PDE11A: variants seen among roughly 807,000 people sequenced by gnomAD.
PDE11A encodes phosphodiesterase 11A.
PDE11A carries 100 observed loss-of-function variants against 100.5 expected under a neutral mutation model. The ratio of observed to expected loss-of-function variants is 1.00; its 90% CI spans 0.85 to 1.18. PDE11A has a LOEUF of 1.18. Ranked by LOEUF, PDE11A falls within the 50% of genes most tolerant of loss-of-function variation. The pLI, the probability that PDE11A is intolerant of heterozygous loss-of-function variation, is 0.00. For missense variants in PDE11A, 1,141 were observed against 1,152.6 expected (o/e 0.99, Z 0.15); for synonymous variants, 381 against 420.8 (o/e 0.91, Z 1.16).
At chr2:178,024,751 C>T (rs970417360) in intron 1 of PDE11A, among the ~76,000 whole-genome samples, 1 of 152,132 alleles carries the variant, frequency 6.6e-6, no homozygotes, top group African/African-American at 2.4e-5. Flanking sequence ...TTCTGAAGCT[C>T]AAAAAATTGC....
chr2:177,686,428 G>A (rs1411771402), intron 15 of PDE11A, among the ~76,000 whole-genome samples: 1 of 152,100 alleles, frequency 6.6e-6, no homozygotes, highest in Non-Finnish European at 1.5e-5. Context: ...TTAGCTACAT[G>A]TGGAGGCACA....
At chr2:178,020,831 T>C (rs949299735) in intron 1 of PDE11A, among the ~76,000 whole-genome samples, 1 of 152,028 alleles carries the variant, frequency 6.6e-6, no homozygotes, top group South Asian at 2.1e-4. Context: ...ATTGTATTAA[T>C]ACATGTGGTA....
At chr2:178,060,575 T>C (rs1213438058) in intron 1 of PDE11A, among the ~76,000 whole-genome samples, 2 of 152,064 alleles carry the variant, frequency 1.3e-5, no homozygotes, top group Non-Finnish European at 2.9e-5. Context: ...ACTAGAGAGG[T>C]AAAATATGGC....
intron 2 of PDE11A, among the ~76,000 whole-genome samples, chr2:177,911,820 G>T (rs1377619085): frequency 6.6e-6 from 1 of 151,736 alleles, no homozygotes; most frequent in Non-Finnish European, 1.5e-5. Context: ...GGAGGTAGAG[G>T]TTGCACTGAG....
chr2:177,856,041 TA>T (rs1367147413), intron 5 of PDE11A, among the ~76,000 whole-genome samples: 1 of 151,740 alleles, frequency 6.6e-6, no homozygotes, highest in Non-Finnish European at 1.5e-5. Flanking sequence ...GAAACCTAAG[TA>T]AAATCCCTGT....
chr2:177,694,600 T>G (rs1345906207), intron 15 of PDE11A, among the ~76,000 whole-genome samples: 2 of 152,222 alleles, frequency 1.3e-5, no homozygotes, highest in Non-Finnish European at 2.9e-5. Context: ...AAGTAAATAA[T>G]TTATCTGATG....
intron 9 of PDE11A, among the ~76,000 whole-genome samples, chr2:177,795,190 G>A (rs1167410689): frequency 6.6e-6 from 1 of 152,132 alleles, no homozygotes; most frequent in East Asian, 1.9e-4. Flanking sequence ...GGGTCTGATG[G>A]GGCCAAATTT....
At chr2:177,705,814 G>A (rs548320871) in intron 13 of PDE11A, among the ~76,000 whole-genome samples, 1 of 152,320 alleles carries the variant, frequency 6.6e-6, no homozygotes, top group Non-Finnish European at 1.5e-5. Context: ...TCACTTCTGG[G>A]ACCTGGCCGA....
intron 2 of PDE11A, among the ~76,000 whole-genome samples, chr2:177,995,297 A>C (rs1382175277): frequency 3.3e-5 from 5 of 152,038 alleles, no homozygotes; most frequent in Non-Finnish European, 1.5e-5. Flanking sequence ...GAATGTTTAG[A>C]GATTATTGCC....
intron 15 of PDE11A, among the ~76,000 whole-genome samples, chr2:177,692,600 C>A (rs1464380156): frequency 6.6e-6 from 1 of 152,160 alleles, no homozygotes; most frequent in Non-Finnish European, 1.5e-5. Flanking sequence ...GACTCAGAAA[C>A]AGGCACAGAA....
chr2:177,685,611 G>A (rs1015168466), intron 15 of PDE11A, among the ~76,000 whole-genome samples: 1 of 151,820 alleles, frequency 6.6e-6, no homozygotes, highest in African/African-American at 2.4e-5. Context: ...GTGCAATGTC[G>A]CGATCTTGGC....
At position 177,625,353 on chromosome 2, in the gene PDE11A, G is replaced by A. The variant is rs1177325067; in HGVS notation, c.*4054C>T. ...AAGTCAGTGCTTTTATGTAATAGATGGAGATTCTAAGACTTGGAGAGTCCT... is the reference window on the plus strand; with the variant it reads ...AAGTCAGTGCTTTTATGTAATAGATAGAGATTCTAAGACTTGGAGAGTCCT... On this transcript the variant is annotated 3_prime_UTR_variant, in exon 20 of 20. Transcript: ENST00000286063. 1 of 152,624 alleles carries A rather than the reference G, an allele frequency of 6.6e-6. No homozygotes were observed. Among genetic ancestry groups the A allele is most frequent in the African/African-American group, 2.4e-5 (1 of 41,440 alleles). The allele number at this position is 152,624 out of a possible 1,614,324, so 9.5% of individuals were successfully genotyped here.
intron 13 of PDE11A, among the ~76,000 whole-genome samples, chr2:177,706,859 A>C (rs987898919): frequency 6.6e-6 from 1 of 151,628 alleles, no homozygotes; most frequent in Admixed American, 6.6e-5. Context: ...GTTCAGTCTT[A>C]TACAAGCAAC....
At chr2:177,801,429 T>G (rs2082794499) in intron 9 of PDE11A, among the ~76,000 whole-genome samples, 1 of 152,172 alleles carries the variant, frequency 6.6e-6, no homozygotes, top group South Asian at 2.1e-4. Flanking sequence ...AAACATTTAC[T>G]CAGTGAATGA....
intron 9 of PDE11A, among the ~76,000 whole-genome samples, chr2:177,794,769 TG>T (rs879666360): frequency 0.38 from 52,944 of 140,714 alleles, 9,788 homozygotes; most frequent in African/African-American, 0.48. Flanking sequence ...GTCTGGTTTT[TG>T]TTTGTTTGTT....
At chr2:177,725,395 C>A (rs544287971) in intron 12 of PDE11A, among the ~76,000 whole-genome samples, 1 of 152,178 alleles carries the variant, frequency 6.6e-6, no homozygotes, top group South Asian at 2.1e-4. Context: ...AAAATACTAT[C>A]TTTTCCAGAT....
rs145311113 is a variant in PDE11A at position 177,772,918 on chromosome 2, G to A, written c.1738-3545C>T. On this transcript the variant is annotated intron_variant, in intron 9 of 19. Coordinates refer to ENST00000286063, the MANE Select transcript of PDE11A (RefSeq NM_016953.4). ...TCATAAATATTACCTCCAGTCTATG[G>A]CTTGTCTATTAATTTTCTTTTAATG... Among the ~76,000 whole-genome samples the A allele has an allele frequency of 6.0e-3, 910 of 152,252 alleles. 14 individuals are homozygous for A. The highest frequency in any genetic ancestry group is 0.02 in the African/African-American group (845 of 41,540).
At chr2:177,855,017 T>C (rs956213640) in intron 5 of PDE11A, among the ~76,000 whole-genome samples, 9 of 152,092 alleles carry the variant, frequency 5.9e-5, no homozygotes, top group Non-Finnish European at 1.2e-4. Context: ...GTCGTGGTAG[T>C]GATGGTGCTG....
intron 15 of PDE11A, among the ~76,000 whole-genome samples, chr2:177,681,387 A>G (rs1443549612): frequency 6.6e-6 from 1 of 152,226 alleles, no homozygotes; most frequent in Non-Finnish European, 1.5e-5. Context: ...CTATTTCACC[A>G]TTTCAGTGCT....
Sources: gnomAD v4.1 joint callset for allele counts (sites outside exome capture counted in the v4.1 genomes callset) on GRCh38, gnomAD v4.1.1 for gene constraint, MANE v1.5 for transcripts, NCBI Gene and HGNC (gene_info 2026-07-23, HGNC 2026-07-21) for gene names.